FRMD3: variants seen among roughly 807,000 people sequenced by gnomAD.
FRMD3 encodes FERM domain containing 3.
Under a neutral mutation model 70.2 loss-of-function variants are expected in FRMD3, and 33 were observed. That is an observed-to-expected ratio of 0.47 (90% CI 0.36 to 0.63). The LOEUF is 0.63. Among genes scored for constraint, FRMD3 ranks in the 20% least tolerant of loss-of-function variants. The probability of loss-of-function intolerance (pLI) is 0.00; values close to 1 mark genes in which losing one functional copy is unlikely to be tolerated. For synonymous variants in FRMD3, 279 were observed against 255.9 expected (o/e 1.09, Z -0.86); for missense variants, 632 against 711.4 (o/e 0.89, Z 1.27).
intron 1 of FRMD3, among the ~76,000 whole-genome samples, chr9:83,508,509 A>C (rs2131526473): frequency 6.6e-6 from 1 of 152,258 alleles, no homozygotes; most frequent in African/African-American, 2.4e-5. Flanking sequence ...CTGGCCTACA[A>C]ACTCCCACAG....
intron 6 of FRMD3, among the ~76,000 whole-genome samples, chr9:83,329,582 C>T (rs1387418322): frequency 6.6e-6 from 1 of 152,056 alleles, no homozygotes; most frequent in Non-Finnish European, 1.5e-5. Flanking sequence ...AAACTATAGC[C>T]ATGGCGCATG....
chr9:83,243,718 G>A (rs1278225780), downstream of FRMD3, among the ~76,000 whole-genome samples: 1 of 152,062 alleles, frequency 6.6e-6, no homozygotes, highest in East Asian at 1.9e-4. Context: ...TGCTGAATAA[G>A]GCATGAGGCC....
intron 1 of FRMD3, among the ~76,000 whole-genome samples, chr9:83,435,744 T>C (rs1827115225): frequency 6.6e-6 from 1 of 152,162 alleles, no homozygotes; most frequent in Non-Finnish European, 1.5e-5. Context: ...AATGACTTTG[T>C]TTAAAATTGA....
chr9:83,247,430 A>T lies in FRMD3; in HGVS notation c.*488T>A. The T allele has an allele frequency of 1.0e-6, 1 of 981,398 alleles. No homozygotes were observed. Among genetic ancestry groups the T allele is most frequent in the South Asian group, 4.7e-5 (1 of 21,174 alleles). The allele number at this position is 981,398 out of a possible 1,614,324, so 60.8% of individuals were successfully genotyped here. A position where few individuals can be genotyped will look rare whatever the true frequency, so the allele number is the denominator to read the frequency against. ...TTTACCAAAATAGTTTGAACACATA[A>T]AAATATTTTTAAAAAAACAGAACCA... is the stretch of plus-strand genomic sequence containing the variant. On this transcript the variant is annotated 3_prime_UTR_variant, in exon 14 of 14. Coordinates refer to ENST00000304195, the MANE Select transcript of FRMD3 (RefSeq NM_174938.6).
chr9:83,408,062 C>G (rs972868474), intron 1 of FRMD3, among the ~76,000 whole-genome samples: 1 of 149,740 alleles, frequency 6.7e-6, no homozygotes, highest in African/African-American at 2.4e-5. Flanking sequence ...CCCAAAGGGT[C>G]CAGGCAGAGG....
chr9:83,386,690 A>G (rs1825519170), intron 2 of FRMD3, among the ~76,000 whole-genome samples: 1 of 152,142 alleles, frequency 6.6e-6, no homozygotes, highest in South Asian at 2.1e-4. Flanking sequence ...CATTAACTAA[A>G]CTACAGACTT....
chr9:83,290,875 C>T (rs1587685250), intron 12 of FRMD3, 148 bp from the exon 13 acceptor site: 1 of 767,948 alleles, frequency 1.3e-6, no homozygotes, highest in East Asian at 2.7e-5. Context: ...GATGACGTAA[C>T]ATTCAAGATA....
chr9:83,405,439 C>T (rs535607316), intron 1 of FRMD3, among the ~76,000 whole-genome samples: 5 of 152,086 alleles, frequency 3.3e-5, no homozygotes, highest in African/African-American at 7.2e-5. Flanking sequence ...GAGGAAGGAG[C>T]GGTTCTGGGA....
At chr9:83,405,118 C>T (rs1276462515) in intron 1 of FRMD3, among the ~76,000 whole-genome samples, 2 of 152,136 alleles carry the variant, frequency 1.3e-5, no homozygotes. Flanking sequence ...TCGGGGACCC[C>T]TTGTAGAGGC....
chr9:83,422,060 A>G (rs1826660745), intron 1 of FRMD3, among the ~76,000 whole-genome samples: 1 of 152,146 alleles, frequency 6.6e-6, no homozygotes, highest in Non-Finnish European at 1.5e-5. Flanking sequence ...CCCCGTCTCG[A>G]CTAAAAATAC....
At chr9:83,394,739 G>T (rs555277815) in intron 1 of FRMD3, among the ~76,000 whole-genome samples, 1 of 152,134 alleles carries the variant, frequency 6.6e-6, no homozygotes, top group Admixed American at 6.5e-5. Flanking sequence ...ACACCCTATG[G>T]AACCTAATTT....
chr9:83,255,453 C>A (rs1390132015), intron 13 of FRMD3, among the ~76,000 whole-genome samples: 1 of 151,930 alleles, frequency 6.6e-6, no homozygotes, highest in Non-Finnish European at 1.5e-5. Context: ...TGGAAGCATT[C>A]CCCCTGAAAA....
chr9:83,524,708 T>C (rs1468612916), intron 1 of FRMD3, among the ~76,000 whole-genome samples: 1 of 152,198 alleles, frequency 6.6e-6, no homozygotes, highest in Admixed American at 6.5e-5. Flanking sequence ...ACCAATCCTA[T>C]AACATCTCTG....
intron 13 of FRMD3, among the ~76,000 whole-genome samples, chr9:83,282,375 G>A (rs1489844553): frequency 6.6e-6 from 1 of 152,126 alleles, no homozygotes; most frequent in Non-Finnish European, 1.5e-5. Context: ...CTGTTCACTT[G>A]AAGGCCAGAA....
In FRMD3 at chr9:83,298,827, C is replaced by T; in HGVS notation, c.1002-11G>A. ...TTGGCAACTTTCCCACTGCAAAAGA[C>T]AGAAACACATGTGTATGCACACATA... On this transcript the variant is annotated splice_polypyrimidine_tract_variant and intron_variant, in intron 11 of 13. Transcript: ENST00000304195. The T allele has an allele frequency of 2.5e-6, 4 of 1,613,514 alleles. No homozygotes were observed. In the South Asian group the frequency reaches 3.3e-5, roughly 13 times the overall value.
chr9:83,514,768 C>T (rs1221037287), intron 1 of FRMD3, among the ~76,000 whole-genome samples: 3 of 152,228 alleles, frequency 2.0e-5, no homozygotes, highest in Non-Finnish European at 4.4e-5. Context: ...GAGGAAGGAG[C>T]AAGCAGCAAT....
At chr9:83,499,959 G>C (rs1040225390) in intron 1 of FRMD3, among the ~76,000 whole-genome samples, 3 of 152,146 alleles carry the variant, frequency 2.0e-5, no homozygotes, top group Non-Finnish European at 4.4e-5. Flanking sequence ...AGACCTGGAG[G>C]AACCTTAAAT....
chr9:83,386,751 C>T lies in FRMD3; in HGVS notation c.252+2853G>A, dbSNP rs184794341. Among the ~76,000 whole-genome samples, 7 of 152,304 alleles carry T rather than the reference C, an allele frequency of 4.6e-5. No homozygotes were observed. The East Asian group carries it at 1.4e-3, about 29-fold the overall frequency. The stretch of plus-strand genomic sequence containing the variant: ...ACTATACTTGTCTATGTTTCAGGAT[C>T]CCACATTGCCTTGAGTTGACGTGTC... On this transcript the variant is annotated intron_variant, in intron 2 of 13. Transcript: ENST00000304195.
intron 1 of FRMD3, among the ~76,000 whole-genome samples, chr9:83,489,755 A>G (rs1828774375): frequency 6.6e-6 from 1 of 152,218 alleles, no homozygotes; most frequent in African/African-American, 2.4e-5. Flanking sequence ...CAAACCTCAA[A>G]TATCTGTAGA....
Sources: allele counts gnomAD v4.1 joint callset (sites outside exome capture counted in the v4.1 genomes callset), GRCh38; gene constraint gnomAD v4.1.1; transcripts MANE v1.5; gene names NCBI Gene and HGNC (gene_info 2026-07-23, HGNC 2026-07-21).